Variants in MYT1L observed in about 807,000 individuals in gnomAD.
The protein encoded by MYT1L is myelin transcription factor 1 like.
Under a neutral mutation model 126.7 loss-of-function variants are expected in MYT1L, and 12 were observed. The ratio of observed to expected loss-of-function variants is 0.09; its 90% CI spans 0.06 to 0.15. The LOEUF (loss-of-function observed/expected upper bound fraction) is 0.15, where lower values mean the gene tolerates loss of function less well. Among genes scored for constraint, MYT1L ranks in the 10% least tolerant of loss-of-function variants. MYT1L has a pLI of 1.00. For synonymous variants in MYT1L, 541 were observed against 604.2 expected (o/e 0.90, Z 1.53); for missense variants, 979 against 1,585.2 (o/e 0.62, Z 6.49).
chr2:2,263,624 G>A (rs1405668372), intron 2 of MYT1L, among the ~76,000 whole-genome samples: 1 of 152,132 alleles, frequency 6.6e-6, no homozygotes, highest in Non-Finnish European at 1.5e-5. Flanking sequence ...GTCAGCTGAT[G>A]CAGCTCACGC....
intron 2 of MYT1L, among the ~76,000 whole-genome samples, chr2:2,210,901 T>TAAAATC (rs2148901330): frequency 6.6e-6 from 1 of 152,296 alleles, no homozygotes; most frequent in African/African-American, 2.4e-5. Flanking sequence ...CAATTTTTTT[T>TAAAATC]AAAATCAGTG....
intron 1 of MYT1L, among the ~76,000 whole-genome samples, chr2:2,322,156 A>G (rs2096178412): frequency 6.6e-6 from 1 of 151,392 alleles, no homozygotes. Context: ...AAAAATATTT[A>G]CCTGTTTTTT....
chr2:2,122,394 G>A (rs949857940), intron 3 of MYT1L, among the ~76,000 whole-genome samples: 4 of 152,140 alleles, frequency 2.6e-5, no homozygotes, highest in South Asian at 2.1e-4. Flanking sequence ...GCTGGAACAC[G>A]GAAGCACCCA....
At chr2:2,274,485 A>G (rs530166305) in intron 2 of MYT1L, among the ~76,000 whole-genome samples, 57 of 152,302 alleles carry the variant, frequency 3.7e-4, no homozygotes, top group African/African-American at 1.3e-3. Flanking sequence ...AGGAGAATAA[A>G]GGGACATTCT....
At chr2:2,004,335 ATAC>A (rs2062867092) in intron 4 of MYT1L, among the ~76,000 whole-genome samples, 3 of 133,660 alleles carry the variant, frequency 2.2e-5, no homozygotes, top group Admixed American at 7.4e-5. Context: ...TCTTTCCTGC[ATAC>A]GTTCTTTCCT....
intron 3 of MYT1L, among the ~76,000 whole-genome samples, chr2:2,163,628 A>C (rs2148454023): frequency 1.3e-5 from 2 of 151,246 alleles, no homozygotes; most frequent in South Asian, 4.2e-4. Context: ...GCTACTCGGG[A>C]GGCTGAGGCA....
chr2:1,878,959 A>C (rs2047231255), intron 18 of MYT1L, among the ~76,000 whole-genome samples: 1 of 152,098 alleles, frequency 6.6e-6, no homozygotes, highest in African/African-American at 2.4e-5. Context: ...TCAGAAACAA[A>C]CCTCTTTCTG....
chr2:1,959,622 C>T (rs1392854491), intron 8 of MYT1L, among the ~76,000 whole-genome samples: 2 of 152,190 alleles, frequency 1.3e-5, no homozygotes, highest in East Asian at 1.9e-4. Flanking sequence ...GGGTCTCCTC[C>T]CTTGGGAAGC....
chr2:1,871,347 G>A (rs1326588849), intron 18 of MYT1L, among the ~76,000 whole-genome samples: 37 of 152,348 alleles, frequency 2.4e-4, no homozygotes, highest in South Asian at 2.1e-4. Context: ...GGAAGCCGCC[G>A]CTGCTGGAGA....
At position 1,892,208 on chromosome 2, in the gene MYT1L, G is replaced by C. The variant is rs1430748087; in HGVS notation, c.2112C>G (p.Ser704Arg). ...TGCTGGCGCTGCTGCCCCCGCCGCA[G>C]CTCAGGTTGCTGCTGCTGCTGGGCG... Reference protein sequence around the residue: ...SYAPSSSSNLSCGGGSSASST... With the variant: ...SYAPSSSSNLRCGGGSSASST... Residue 704 changes from serine to arginine, a missense_variant, in exon 15 of 25, where the codon AGC becomes AGG. Physicochemically the swap from Ser to Arg is moderately radical, Grantham distance 110. This residue lies in a region of MYT1L where 57 missense variants were observed against 60.3 expected (regional missense o/e 0.94). Coordinates refer to ENST00000647738, the MANE Select transcript of MYT1L (RefSeq NM_001303052.2). 9 of 1,550,040 alleles carry C rather than the reference G, an allele frequency of 5.8e-6. No homozygotes were observed. The highest frequency in any genetic ancestry group is 7.8e-6 in the Non-Finnish European group (9 of 1,146,616).
At chr2:2,057,462 T>A (rs1395995190) in intron 3 of MYT1L, among the ~76,000 whole-genome samples, 2 of 151,996 alleles carry the variant, frequency 1.3e-5, no homozygotes, top group African/African-American at 4.8e-5. Context: ...ACCACCCCAT[T>A]GTCTTTCATT....
intron 18 of MYT1L, among the ~76,000 whole-genome samples, chr2:1,877,174 G>T (rs1392437998): frequency 6.6e-6 from 1 of 152,216 alleles, no homozygotes. Flanking sequence ...AGCCCTCATG[G>T]AGAACACAGG....
intron 3 of MYT1L, among the ~76,000 whole-genome samples, chr2:2,170,246 C>T (rs1248212066): frequency 6.6e-6 from 1 of 152,250 alleles, no homozygotes; most frequent in Non-Finnish European, 1.5e-5. Flanking sequence ...TATTTCAGAA[C>T]TGGGAACTTA....
At position 1,887,999 on chromosome 2, in the gene MYT1L, G is replaced by A. The variant is rs1448436610; in HGVS notation, c.2521-390C>T. Among the ~76,000 whole-genome samples the A allele has an allele frequency of 6.6e-6, 1 of 152,216 alleles. No homozygotes were observed. Among genetic ancestry groups the A allele is most frequent in the African/African-American group, 2.4e-5 (1 of 41,446 alleles). ...GCAAAGATTCAACACTGGAACTACA[G>A]TGTCTTAGGGCTGAGCTTTCCCCCA... is the stretch of plus-strand genomic sequence containing the variant. On this transcript the variant is annotated intron_variant, in intron 16 of 24. Coordinates refer to ENST00000647738, the MANE Select transcript of MYT1L (RefSeq NM_001303052.2). This position sits in a 1 kb window ranked among gnomAD's most constrained non-coding sequence, Gnocchi z 4.8.
chr2:1,831,918 T>A (rs2040246847), intron 21 of MYT1L, among the ~76,000 whole-genome samples: 1 of 152,100 alleles, frequency 6.6e-6, no homozygotes, highest in Non-Finnish European at 1.5e-5. Context: ...TGATTTCCGA[T>A]TCCTACGCGG....
chr2:2,007,846 A>G (rs2063473669), intron 4 of MYT1L, among the ~76,000 whole-genome samples: 1 of 152,160 alleles, frequency 6.6e-6, no homozygotes, highest in African/African-American at 2.4e-5. Context: ...CATTTAGTTG[A>G]TAGTTTAAAT....
chr2:2,040,994 G>A (rs2067466840), intron 4 of MYT1L, among the ~76,000 whole-genome samples: 1 of 152,150 alleles, frequency 6.6e-6, no homozygotes, highest in Admixed American at 6.5e-5. Flanking sequence ...AACTCATGGT[G>A]AAAAATAATT....
Position 1,860,652 on chromosome 2 carries a change from T to C in MYT1L, c.2712-8949A>G, listed in dbSNP as rs1056091181. On this transcript the variant is annotated intron_variant, in intron 18 of 24. Coordinates refer to ENST00000647738, the MANE Select transcript of MYT1L (RefSeq NM_001303052.2). Reference sequence around the variant, plus strand: ...TCCTTTCGGGCGGTGGGATCCGGGATGAGATGTGTAAGACTGAGCATCTCT... The same window carrying C: ...TCCTTTCGGGCGGTGGGATCCGGGACGAGATGTGTAAGACTGAGCATCTCT... Among the ~76,000 whole-genome samples, 9 of 152,350 alleles carry C rather than the reference T, an allele frequency of 5.9e-5. No individual in the cohort carries two copies. In the Middle Eastern group the frequency reaches 0.014, roughly 230 times the overall value.
At chr2:2,181,130 GTGTACCTGTGTCTGTGCCTGAGTA>G (rs1467889340) in intron 2 of MYT1L, among the ~76,000 whole-genome samples, 6 of 151,780 alleles carry the variant, frequency 4.0e-5, no homozygotes, top group Non-Finnish European at 5.9e-5. Flanking sequence ...CTGTGTGCCT[GTGTACCTGTGTCTGTGCCTGAGTA>G]TGTACCTGTG....
Sources: gnomAD v4.1 joint callset for allele counts (sites outside exome capture counted in the v4.1 genomes callset) on GRCh38, gnomAD v4.1.1 for gene constraint, gnomAD v4.1.1 regional missense constraint, Gnocchi (gnomAD v3.1) non-coding constraint, MANE v1.5 for transcripts, NCBI Gene and HGNC (gene_info 2026-07-23, HGNC 2026-07-21) for gene names.